Variants in TIGD4 observed in about 807,000 individuals in gnomAD.
TIGD4 encodes the protein tigger transposable element derived 4, also known as tigger transposable element-derived protein 4.
In TIGD4, 20 loss-of-function variants were observed where a neutral mutation model predicts 24.9. The observed-to-expected ratio is 0.80, with a 90% confidence interval of 0.56 to 1.17. The LOEUF (loss-of-function observed/expected upper bound fraction) is 1.17. TIGD4 is among the 50% of genes most tolerant of loss of function. The pLI is 0.00. For missense variants in TIGD4, 566 were observed against 591.0 expected, an observed-to-expected ratio of 0.96 and a Z score of 0.44; for synonymous variants, 193 against 211.0, an observed-to-expected ratio of 0.91 and a Z score of 0.74.
intron 1 of TIGD4, among the ~76,000 whole-genome samples, chr4:152,778,293 A>G (rs1730298979): frequency 6.6e-6 from 1 of 152,198 alleles, no homozygotes; most frequent in African/African-American, 2.4e-5. Flanking sequence ...TTCATTGTCC[A>G]CATCATTCAA....
At chr4:152,771,954 T>C (rs1417603333) in intron 1 of TIGD4, among the ~76,000 whole-genome samples, 1 of 152,134 alleles carries the variant, frequency 6.6e-6, no homozygotes, top group East Asian at 1.9e-4. Context: ...AGTCACAAGG[T>C]TCAACTTTTA....
Position 152,769,612 on chromosome 4 carries a change from T to G in TIGD4, c.1393A>C (p.Thr465Pro), listed in dbSNP as rs368414856. 6.2e-7 allele frequency: 1 copy of G among 1,613,642 alleles called. No individual in the cohort carries two copies. Among genetic ancestry groups the G allele is most frequent in the Non-Finnish European group, 8.5e-7 (1 of 1,179,826 alleles). The change falls in exon 2 of 2, where the codon ACT becomes CCT. Residue 465 changes from threonine (T) to proline (P), a missense_variant. By Grantham distance (38) the Thr-to-Pro change is conservative. Coordinates refer to ENST00000304337, the MANE Select transcript of TIGD4 (RefSeq NM_145720.4). ...DEEDDDGSPG[T>P]ELPLPSKSEA... is the part of the protein sequence containing the mutation. The stretch of plus-strand genomic sequence containing the variant: ...GATTTTGATGGTAAAGGGAGTTCAG[T>G]TCCTGGAGATCCATCATCATCCTCT...
chr4:152,770,635 T>C lies in TIGD4; in HGVS notation c.370A>G (p.Asn124Asp). The change falls in exon 2 of 2, where the codon AAT (asparagine) becomes GAT (aspartate). Residue 124 changes from asparagine (N) to aspartate (D), a missense_variant. Asn to Asp is a conservative substitution (Grantham distance 23, BLOSUM62 1). Coordinates refer to ENST00000304337, the MANE Select transcript of TIGD4 (RefSeq NM_145720.4). Reference sequence around the variant, plus strand: ...CAACCATTACTGCACTTAAAATCATTATGGCCCAGTTTCTGGGCAAAATCA... The same window carrying C: ...CAACCATTACTGCACTTAAAATCATCATGGCCCAGTTTCTGGGCAAAATCA... ...ANDFAQKLGH[N>D]DFKCSNGWLD... 6.2e-7 allele frequency: 1 copy of C among 1,603,354 alleles called. No individual in the cohort carries two copies. Among genetic ancestry groups the C allele is most frequent in the Non-Finnish European group, 8.5e-7 (1 of 1,176,392 alleles).
At chr4:152,773,642 T>TAA (rs71598212) in intron 1 of TIGD4, among the ~76,000 whole-genome samples, 12,453 of 81,408 alleles carry the variant, frequency 0.15, 964 homozygotes, top group African/African-American at 0.18. Flanking sequence ...TCCAATGCCT[T>TAA]AAAAAAAAAA....
In TIGD4 at chr4:152,770,255, C is replaced by G; in HGVS notation, c.750G>C (p.Val250=). The G allele has an allele frequency of 6.2e-7, 1 of 1,614,042 alleles. No individual in the cohort carries two copies. The highest frequency in any genetic ancestry group is 8.5e-7 in the Non-Finnish European group (1 of 1,179,934). ...HCFKGLKSLP[V]CYEANRMAWM... ...ATGCCATTCTGTTAGCTTCATAACA[C>G]ACAGGCAATGATTTTAAACCTTTGA... The change falls in exon 2 of 2, where the codon GTG becomes GTC. Residue 250 remains valine, a synonymous_variant. Transcript: ENST00000304337.
rs201769674 is a variant in TIGD4 at position 152,770,985 on chromosome 4, T to C, written c.20A>G (p.Asp7Gly). 6.2e-7 allele frequency: 1 copy of C among 1,602,598 alleles called. No individual in the cohort carries two copies. Among genetic ancestry groups the C allele is most frequent in the African/African-American group, 1.4e-5 (1 of 74,068 alleles). MAEASV[D>G]ASTLPVTVKK... The stretch of plus-strand genomic sequence containing the variant: ...CACTGTTACAGGCAGAGTTGAGGCA[T>C]CCACAGAAGCTTCTGCCATCTCAGC... Residue 7 changes from aspartate (D) to glycine (G), a missense_variant, in exon 2 of 2, where the codon GAT (aspartate) becomes GGT (glycine). Asp to Gly is a moderately conservative substitution (Grantham distance 94). Transcript: ENST00000304337.
At chr4:152,774,193 T>A (rs954252147) in intron 1 of TIGD4, among the ~76,000 whole-genome samples, 8 of 152,208 alleles carry the variant, frequency 5.3e-5, no homozygotes, top group Non-Finnish European at 1.5e-5. Flanking sequence ...CCCATCCTGG[T>A]TAAAGTGACA....
intron 1 of TIGD4, among the ~76,000 whole-genome samples, chr4:152,778,301 C>G (rs886560504): frequency 2.6e-5 from 4 of 152,222 alleles, no homozygotes; most frequent in Admixed American, 2.6e-4. Context: ...CCACATCATT[C>G]AAGCACCGCT....
In TIGD4 at chr4:152,769,846, T is replaced by C; in HGVS notation, c.1159A>G (p.Ser387Gly). Residue 387 changes from serine (S) to glycine (G), a missense_variant, in exon 2 of 2, where the codon AGT (serine) becomes GGT (glycine). By Grantham distance (56) the Ser-to-Gly change is moderately conservative. Transcript: ENST00000304337. ...TCCTTCTCTGCATTTGTTATGTCAC[T>C]TTCTCCCTTTTGAGATTTGAATCCT... ...EAGFKSQKGE[S>G]DITNAEKDTG... 6.2e-7 allele frequency: 1 copy of C among 1,613,108 alleles called. No individual in the cohort carries two copies. The highest frequency in any genetic ancestry group is 1.7e-5 in the Admixed American group (1 of 59,978).
intron 1 of TIGD4, among the ~76,000 whole-genome samples, chr4:152,773,783 T>A (rs4359882): frequency 0.17 from 25,328 of 151,958 alleles, 2,195 homozygotes; most frequent in African/African-American, 0.2. Context: ...ACAACTAACA[T>A]TAAAAAAATC....
At chr4:152,772,805 A>T (rs1421611804) in intron 1 of TIGD4, among the ~76,000 whole-genome samples, 2 of 151,486 alleles carry the variant, frequency 1.3e-5, no homozygotes, top group Non-Finnish European at 2.9e-5. Flanking sequence ...TCTGCCTCCC[A>T]GGTTCATGCG....
At position 152,769,603 on chromosome 4, in the gene TIGD4, G is replaced by A; in HGVS notation, c.1402C>T (p.Pro468Ser). 6.2e-7 allele frequency: 1 copy of A among 1,613,660 alleles called. No individual in the cohort carries two copies. The highest frequency in any genetic ancestry group is 2.2e-5 in the East Asian group (1 of 44,882). Residue 468 changes from proline (P) to serine (S), a missense_variant, in exon 2 of 2, where the codon CCT becomes TCT. Transcript: ENST00000304337. ...DDDGSPGTEL[P>S]LPSKSEAITA... is the part of the protein sequence containing the mutation. ...ATTGCCTCAGATTTTGATGGTAAAGGGAGTTCAGTTCCTGGAGATCCATCA... is the reference window on the plus strand; with the variant it reads ...ATTGCCTCAGATTTTGATGGTAAAGAGAGTTCAGTTCCTGGAGATCCATCA...
At position 152,771,559 on chromosome 4, in the gene TIGD4, TA is replaced by T. The variant is rs201379259; in HGVS notation, c.-538-18del. The T allele has an allele frequency of 2.1e-4, 34 of 161,608 alleles. No individual in the cohort carries two copies. The highest frequency in any genetic ancestry group is 4.2e-4 in the South Asian group (2 of 4,788). 10.0% of individuals were successfully genotyped at this position (161,608 alleles called of 1,614,324 possible). On this transcript the variant is annotated intron_variant, in intron 1 of 1. Transcript: ENST00000304337. ...TATCTTCTTCTGTTGTTTGAAAAAT[TA>T]AAAAAAAAGCAATTTTAGCGATATG...
In TIGD4 at chr4:152,773,919, C is replaced by T. The variant is rs1358897230; in HGVS notation, c.-538-2377G>A. ...TACCAACCTTCAGAAATTGACATAGCAAAAACTAATTTTTCAAAGACAAAA... is the reference window on the plus strand; with the variant it reads ...TACCAACCTTCAGAAATTGACATAGTAAAAACTAATTTTTCAAAGACAAAA... On this transcript the variant is annotated intron_variant, in intron 1 of 1. Coordinates refer to ENST00000304337, the MANE Select transcript of TIGD4 (RefSeq NM_145720.4). 3.3e-5 allele frequency among the ~76,000 whole-genome samples: 5 copies of T among 152,196 alleles called. No homozygotes were observed. The East Asian group carries it at 5.8e-4, about 18-fold the overall frequency.
At position 152,774,909 on chromosome 4, in the gene TIGD4, T is replaced by C. The variant is rs563337544; in HGVS notation, c.-538-3367A>G. 4.7e-5 allele frequency among the ~76,000 whole-genome samples: 6 copies of C among 127,910 alleles called. No individual in the cohort carries two copies. The East Asian group carries it at 1.2e-3, about 25-fold the overall frequency. The allele number at this position is 127,910 out of a possible 152,430, so 83.9% of individuals were successfully genotyped here. On this transcript the variant is annotated intron_variant, in intron 1 of 1. Coordinates refer to ENST00000304337, the MANE Select transcript of TIGD4 (RefSeq NM_145720.4). Reference sequence around the variant, plus strand: ...TATAACGTTTTATCTAGCAAGTCTATATCAAGGATTTTTTTTTTTTTTTTA... The same window carrying C: ...TATAACGTTTTATCTAGCAAGTCTACATCAAGGATTTTTTTTTTTTTTTTA...
chr4:152,774,162 G>A (rs1730225929), intron 1 of TIGD4, among the ~76,000 whole-genome samples: 1 of 151,188 alleles, frequency 6.6e-6, no homozygotes, highest in Non-Finnish European at 1.5e-5. Context: ...TATAGAAAAA[G>A]TAACTTGAAT....
At chr4:152,777,885 C>G (rs1259201956) in intron 1 of TIGD4, among the ~76,000 whole-genome samples, 6 of 152,176 alleles carry the variant, frequency 3.9e-5, no homozygotes, top group Middle Eastern at 3.4e-3. Flanking sequence ...CTAGTGTTTT[C>G]TTGGAGCCAG....
chr4:152,773,642 TAAAAAAAAAAAAAAA>T (rs71598212), intron 1 of TIGD4, among the ~76,000 whole-genome samples: 1 of 82,132 alleles, frequency 1.2e-5, no homozygotes, highest in Non-Finnish European at 2.3e-5. Flanking sequence ...TCCAATGCCT[TAAAAAAAAAAAAAAA>T]AAAAAAAAAG....
At chr4:152,778,586 A>G (rs1730308761) in intron 1 of TIGD4, among the ~76,000 whole-genome samples, 2 of 152,252 alleles carry the variant, frequency 1.3e-5, no homozygotes, top group Non-Finnish European at 2.9e-5. Flanking sequence ...TTAAGACAGA[A>G]CCACTTAAGA....
Sources: allele counts gnomAD v4.1 joint callset (sites outside exome capture counted in the v4.1 genomes callset), GRCh38; gene constraint gnomAD v4.1.1; transcripts MANE v1.5; gene names NCBI Gene and HGNC (gene_info 2026-07-23, HGNC 2026-07-21).